PLCG2: variants seen among roughly 807,000 people sequenced by gnomAD.
The protein encoded by PLCG2 is phospholipase C gamma 2.
A neutral mutation model predicts 175.6 loss-of-function variants in PLCG2; 69 were observed. That is an observed-to-expected ratio of 0.39 (90% CI 0.32 to 0.48). PLCG2 has a LOEUF of 0.48. Ranked by LOEUF, PLCG2 falls within the 20% of genes least tolerant of loss-of-function variation. The pLI, the probability that PLCG2 is intolerant of heterozygous loss-of-function variation, is 0.91. For synonymous variants in PLCG2, 827 were observed against 624.0 expected (o/e 1.33, Z -4.85); for missense variants, 1,798 against 1,650.9 (o/e 1.09, Z -1.54).
chr16:81,835,017 T>C (rs1329461689), intron 2 of PLCG2, among the ~76,000 whole-genome samples: 2 of 152,064 alleles, frequency 1.3e-5, no homozygotes, highest in Non-Finnish European at 2.9e-5. Flanking sequence ...CCTGGTGTCA[T>C]GAACACTGTT....
At chr16:81,905,617 C>A in intron 15 of PLCG2, 110 bp downstream of exon 15, 1 of 690,282 alleles carries the variant, frequency 1.4e-6, no homozygotes, top group Non-Finnish European at 2.6e-6. Flanking sequence ...CATTTTTAGT[C>A]AAGTGAGTTT....
intron 2 of PLCG2, among the ~76,000 whole-genome samples, chr16:81,833,910 C>T (rs937354636): frequency 6.6e-6 from 1 of 152,270 alleles, no homozygotes; most frequent in South Asian, 2.1e-4. Flanking sequence ...TCTGGCATCT[C>T]TCTGTCTGCA....
chr16:81,900,854 C>A (rs1796269517), intron 14 of PLCG2, 74 bp downstream of exon 14: 1 of 1,399,352 alleles, frequency 7.1e-7, no homozygotes, highest in Non-Finnish European at 9.9e-7. Context: ...GGGTCCCGTT[C>A]ACCAAGTTCT....
In PLCG2 at chr16:81,827,203, T is replaced by G. The variant is rs919932227; in HGVS notation, c.194-27241T>G. 2.8e-3 allele frequency among the ~76,000 whole-genome samples: 432 copies of G among 151,650 alleles called. 2 individuals carry two copies. The highest frequency in any genetic ancestry group is 9.0e-3 in the African/African-American group (371 of 41,446). The stretch of plus-strand genomic sequence containing the variant: ...GAGGATTGCTGGGTTTTTTTTTTTT[T>G]GGGGACAGGGTCTCACTCTGCCACT... On this transcript the variant is annotated intron_variant, in intron 2 of 32. Coordinates refer to ENST00000564138, the MANE Select transcript of PLCG2 (RefSeq NM_002661.5).
At chr16:81,741,580 C>T (rs777387833) in intron 1 of PLCG2, among the ~76,000 whole-genome samples, 1 of 152,130 alleles carries the variant, frequency 6.6e-6, no homozygotes. Context: ...GAGGCCAAGG[C>T]GGGCAGATCA....
In PLCG2 at chr16:81,807,370, G is replaced by A. The variant is rs566809302; in HGVS notation, c.193+21188G>A. On this transcript the variant is annotated intron_variant, in intron 2 of 32. Coordinates refer to ENST00000564138, the MANE Select transcript of PLCG2 (RefSeq NM_002661.5). ...GGAGGATGGGCTTCTCAGATCCTGG[G>A]CTCTGCCTTCTGGATCTGAGATCCA... Among the ~76,000 whole-genome samples the A allele has an allele frequency of 1.2e-4, 19 of 152,280 alleles. No homozygotes were observed. The East Asian group carries it at 3.5e-3, about 28-fold the overall frequency.
intron 1 of PLCG2, among the ~76,000 whole-genome samples, chr16:81,784,106 G>A (rs926113669): frequency 2.0e-5 from 3 of 152,126 alleles, no homozygotes; most frequent in Non-Finnish European, 4.4e-5. Flanking sequence ...TTCCCCATGG[G>A]CAGAGAGCAG....
At chr16:81,763,810 T>C (rs1197101123) in intron 2 of PLCG2, among the ~76,000 whole-genome samples, 1 of 150,062 alleles carries the variant, frequency 6.7e-6, no homozygotes, top group African/African-American at 2.5e-5. Flanking sequence ...CTACTAAAAA[T>C]AGAAAAATTA....
intron 2 of PLCG2, among the ~76,000 whole-genome samples, chr16:81,840,732 C>T (rs142706260): frequency 2.0e-5 from 3 of 152,184 alleles, no homozygotes; most frequent in East Asian, 1.9e-4. Flanking sequence ...CTGTGCGGCT[C>T]GATTCCTAAC....
At chr16:81,749,099 A>C (rs1909757922) in intron 1 of PLCG2, among the ~76,000 whole-genome samples, 1 of 152,124 alleles carries the variant, frequency 6.6e-6, no homozygotes, top group African/African-American at 2.4e-5. Flanking sequence ...CTCAGTCAGG[A>C]AACAGCAGTC....
intron 31 of PLCG2, among the ~76,000 whole-genome samples, chr16:81,955,446 G>A (rs982790021): frequency 6.6e-6 from 1 of 152,142 alleles, no homozygotes; most frequent in South Asian, 2.1e-4. Flanking sequence ...TGAAACAGAT[G>A]AGGCAAAACA....
At chr16:81,852,948 C>T (rs1006917998) in intron 2 of PLCG2, among the ~76,000 whole-genome samples, 4 of 152,296 alleles carry the variant, frequency 2.6e-5, no homozygotes, top group East Asian at 1.9e-4. Flanking sequence ...GGGCTTCTTA[C>T]AGCATGGTGG....
At chr16:81,875,417 G>C (rs1484585723) in intron 7 of PLCG2, among the ~76,000 whole-genome samples, 1 of 152,154 alleles carries the variant, frequency 6.6e-6, no homozygotes, top group African/African-American at 2.4e-5. Context: ...TGCAGAGCTA[G>C]GATTTGATTT....
intron 2 of PLCG2, among the ~76,000 whole-genome samples, chr16:81,850,705 C>G (rs545643352): frequency 6.6e-6 from 1 of 152,028 alleles, no homozygotes; most frequent in Non-Finnish European, 1.5e-5. Flanking sequence ...CATGTAGAAG[C>G]GGGGAACTTC....
intron 1 of PLCG2, among the ~76,000 whole-genome samples, chr16:81,781,045 A>ACAAT: frequency 6.6e-6 from 1 of 151,584 alleles, no homozygotes. Context: ...AAACAAACAA[A>ACAAT]CAAACACACA....
chr16:81,903,228 A>G (rs373316349), intron 14 of PLCG2, among the ~76,000 whole-genome samples: 5 of 152,350 alleles, frequency 3.3e-5, no homozygotes, highest in Admixed American at 6.5e-5. Flanking sequence ...GGTGGTGTCA[A>G]CACGTGGCAT....
At position 81,794,371 on chromosome 16, in the gene PLCG2, C is replaced by T. The variant is rs541510465; in HGVS notation, c.193+8189C>T. ...ATAATAATAATAAATGAATTATTTT[C>T]TCGCTGGCATCTCCTAAGAAGAAAT... On this transcript the variant is annotated intron_variant, in intron 2 of 32. Coordinates refer to ENST00000564138, the MANE Select transcript of PLCG2 (RefSeq NM_002661.5). 9.2e-5 allele frequency among the ~76,000 whole-genome samples: 14 copies of T among 152,256 alleles called. No homozygotes were observed. In the South Asian group the frequency reaches 2.9e-3, roughly 32 times the overall value.
At chr16:81,820,743 C>A (rs186391277) in intron 2 of PLCG2, among the ~76,000 whole-genome samples, 39 of 152,328 alleles carry the variant, frequency 2.6e-4, no homozygotes, top group African/African-American at 8.7e-4. Context: ...ACCTCAGCCT[C>A]CTGAGTAGCT....
chr16:81,788,197 G>A (rs1387306027), intron 2 of PLCG2, among the ~76,000 whole-genome samples: 1 of 152,178 alleles, frequency 6.6e-6, no homozygotes, highest in African/African-American at 2.4e-5. Flanking sequence ...AGAAAAGGGT[G>A]ATCGTTGCAT....
Sources: allele counts gnomAD v4.1 joint callset (sites outside exome capture counted in the v4.1 genomes callset), GRCh38; gene constraint gnomAD v4.1.1; transcripts MANE v1.5; gene names NCBI Gene and HGNC (gene_info 2026-07-23, HGNC 2026-07-21).